Variants in MECOM observed in about 807,000 individuals in gnomAD.
MECOM encodes histone-lysine N-methyltransferase MECOM.
MECOM carries 13 observed loss-of-function variants against 116.3 expected under a neutral mutation model. The ratio of observed to expected loss-of-function variants is 0.11; its 90% CI spans 0.07 to 0.18. MECOM has a LOEUF of 0.18. Ranked by LOEUF, MECOM falls within the 10% of genes least tolerant of loss-of-function variation. MECOM has a pLI of 1.00. For missense variants in MECOM, 1,299 were observed against 1,509.0 expected, an observed-to-expected ratio of 0.86 and a Z score of 2.31; for synonymous variants, 528 against 535.2, an observed-to-expected ratio of 0.99 and a Z score of 0.19.
At chr3:169,224,059 C>T (rs1752435620) in intron 2 of MECOM, among the ~76,000 whole-genome samples, 1 of 152,166 alleles carries the variant, frequency 6.6e-6, no homozygotes, top group African/African-American at 2.4e-5. Flanking sequence ...TAGGTTTTTT[C>T]TATGCCCCAC....
intron 1 of MECOM, among the ~76,000 whole-genome samples, chr3:169,547,680 T>C (rs1434900194): frequency 6.6e-6 from 1 of 152,178 alleles, no homozygotes; most frequent in Non-Finnish European, 1.5e-5. Context: ...ATATAATCTT[T>C]GCCAATGTAA....
chr3:169,196,284 T>A (rs1045286887), intron 2 of MECOM, among the ~76,000 whole-genome samples: 2 of 152,044 alleles, frequency 1.3e-5, no homozygotes, highest in Admixed American at 1.3e-4. Flanking sequence ...AGCTATCATA[T>A]GTCCTGAGAT....
intron 12 of MECOM, among the ~76,000 whole-genome samples, chr3:169,100,301 G>C (rs2148941802): frequency 6.6e-6 from 1 of 151,920 alleles, no homozygotes; most frequent in South Asian, 2.1e-4. Flanking sequence ...GTTTCACCAT[G>C]TTAGCCAGGC....
intron 1 of MECOM, among the ~76,000 whole-genome samples, chr3:169,619,701 A>G (rs1577139060): frequency 6.6e-6 from 1 of 152,282 alleles, no homozygotes; most frequent in East Asian, 1.9e-4. Context: ...GGGTTCAGTG[A>G]CTACCAAAGA....
At chr3:169,202,638 A>G (rs1749314518) in intron 2 of MECOM, among the ~76,000 whole-genome samples, 1 of 151,926 alleles carries the variant, frequency 6.6e-6, no homozygotes, top group Non-Finnish European at 1.5e-5. Context: ...CATTTTTAAT[A>G]TAGTTATTAT....
intron 1 of MECOM, among the ~76,000 whole-genome samples, chr3:169,582,177 C>T (rs112743937): frequency 6.6e-6 from 1 of 152,136 alleles, no homozygotes; most frequent in Admixed American, 6.5e-5. Context: ...TTAAGCGTTT[C>T]GTCAGAGAGC....
chr3:169,293,680 T>C (rs545148697), intron 2 of MECOM, among the ~76,000 whole-genome samples: 2 of 152,334 alleles, frequency 1.3e-5, no homozygotes, highest in African/African-American at 2.4e-5. Context: ...AAACATTATA[T>C]AGTTATTTGT....
At chr3:169,399,520 G>A (rs987046080) in intron 1 of MECOM, among the ~76,000 whole-genome samples, 3 of 152,138 alleles carry the variant, frequency 2.0e-5, no homozygotes, top group Non-Finnish European at 4.4e-5. Flanking sequence ...TTACCCCTTG[G>A]TCCAAAAACA....
intron 2 of MECOM, among the ~76,000 whole-genome samples, chr3:169,149,933 C>CTG (rs1160142424): frequency 0.014 from 1,612 of 115,898 alleles, 4 homozygotes; most frequent in Non-Finnish European, 0.017. Context: ...CTTTCTCTCT[C>CTG]TCTGTGTGTG....
chr3:169,107,642 G>C (rs139754304), intron 10 of MECOM, among the ~76,000 whole-genome samples: 1 of 152,126 alleles, frequency 6.6e-6, no homozygotes, highest in South Asian at 2.1e-4. Context: ...GTTTAACAGC[G>C]TGTTCCCAGG....
At chr3:169,129,036 T>G (rs746774076) in intron 4 of MECOM, among the ~76,000 whole-genome samples, 24 of 152,192 alleles carry the variant, frequency 1.6e-4, no homozygotes, top group Non-Finnish European at 3.2e-4. Flanking sequence ...AAGGAAGATG[T>G]TACTCTTCAA....
At chr3:169,155,941 A>T (rs1017107152) in intron 2 of MECOM, among the ~76,000 whole-genome samples, 3 of 152,158 alleles carry the variant, frequency 2.0e-5, no homozygotes, top group Admixed American at 1.3e-4. Context: ...TCTTTCTTGA[A>T]ATTTTTACAG....
intron 2 of MECOM, among the ~76,000 whole-genome samples, chr3:169,158,664 A>G (rs965949094): frequency 2.0e-5 from 3 of 152,178 alleles, no homozygotes; most frequent in African/African-American, 7.2e-5. Flanking sequence ...CCAACACTGG[A>G]TGGTTCAAGA....
chr3:169,532,915 A>G (rs1009939232), intron 1 of MECOM, among the ~76,000 whole-genome samples: 14 of 152,164 alleles, frequency 9.2e-5, no homozygotes, highest in African/African-American at 2.9e-4. Context: ...GAATAACAAC[A>G]ACAAAACCCC....
chr3:169,583,525 T>C (rs1193387236), intron 1 of MECOM, among the ~76,000 whole-genome samples: 2 of 152,074 alleles, frequency 1.3e-5, no homozygotes, highest in Non-Finnish European at 2.9e-5. Context: ...ATTCCAAATC[T>C]CCACTTAAAT....
intron 1 of MECOM, among the ~76,000 whole-genome samples, chr3:169,494,189 C>T (rs1753531760): frequency 6.6e-6 from 1 of 151,972 alleles, no homozygotes; most frequent in Non-Finnish European, 1.5e-5. Flanking sequence ...GGGACAATCT[C>T]AGTTTTTATT....
At chr3:169,155,420 C>T (rs550258160) in intron 2 of MECOM, among the ~76,000 whole-genome samples, 4 of 152,200 alleles carry the variant, frequency 2.6e-5, no homozygotes, top group African/African-American at 7.2e-5. Flanking sequence ...TTCAGTTGGT[C>T]TGTTAAACTG....
At chr3:169,404,459 T>G (rs1190203953) in intron 1 of MECOM, among the ~76,000 whole-genome samples, 1 of 152,018 alleles carries the variant, frequency 6.6e-6, no homozygotes, top group African/African-American at 2.4e-5. Context: ...CAAAATAAAT[T>G]AGAAATAAAC....
chr3:169,616,095 T>C (rs1769961744), intron 1 of MECOM, among the ~76,000 whole-genome samples: 1 of 152,170 alleles, frequency 6.6e-6, no homozygotes. Flanking sequence ...CTCTGTGGCA[T>C]ACTGGCTGGT....
Sources: allele counts gnomAD v4.1 joint callset (sites outside exome capture counted in the v4.1 genomes callset), GRCh38; gene constraint gnomAD v4.1.1; transcripts MANE v1.5; gene names NCBI Gene and HGNC (gene_info 2026-07-23, HGNC 2026-07-21).